The following GALNTL6 variants were observed in gnomAD, a reference collection of about 807,000 sequenced individuals.
GALNTL6 encodes the protein polypeptide N-acetylgalactosaminyltransferase like 6, also known as polypeptide N-acetylgalactosaminyltransferase-like 6.
In GALNTL6, 46 loss-of-function variants were observed where a neutral mutation model predicts 73.7. That is an observed-to-expected ratio of 0.62 (90% CI 0.49 to 0.80). The LOEUF is 0.80. Ranked by LOEUF, GALNTL6 falls within the 30% of genes least tolerant of loss-of-function variation. The pLI is 0.00. For synonymous variants in GALNTL6, 259 were observed against 263.7 expected, an observed-to-expected ratio of 0.98 and a Z score of 0.17; for missense variants, 604 against 755.0, an observed-to-expected ratio of 0.80 and a Z score of 2.34.
chr4:172,727,900 C>A (rs1735913874), intron 5 of GALNTL6, among the ~76,000 whole-genome samples: 1 of 149,218 alleles, frequency 6.7e-6, no homozygotes, highest in African/African-American at 2.5e-5. Flanking sequence ...TAAAAAATAC[C>A]ATCTTTGCTA....
intron 5 of GALNTL6, among the ~76,000 whole-genome samples, chr4:172,636,575 A>G (rs1260546555): frequency 1.3e-5 from 2 of 152,186 alleles, no homozygotes; most frequent in South Asian, 2.1e-4. Context: ...TGGGGCCACA[A>G]GACAAGAAAC....
intron 3 of GALNTL6, among the ~76,000 whole-genome samples, chr4:172,260,344 T>C (rs1738215886): frequency 6.6e-6 from 1 of 151,600 alleles, no homozygotes; most frequent in Non-Finnish European, 1.5e-5. Context: ...AGTATTTTAA[T>C]TATGTATTTA....
At chr4:172,930,274 A>G (rs559884693) in intron 8 of GALNTL6, among the ~76,000 whole-genome samples, 18 of 151,930 alleles carry the variant, frequency 1.2e-4, no homozygotes, top group African/African-American at 4.3e-4. Context: ...GTGAAACTCC[A>G]TCTCAAAAAA....
At chr4:171,976,188 G>A (rs1218494924) in intron 2 of GALNTL6, among the ~76,000 whole-genome samples, 3 of 152,180 alleles carry the variant, frequency 2.0e-5, no homozygotes, top group Admixed American at 6.5e-5. Flanking sequence ...CTCCCAAAGT[G>A]CTGGGAATAC....
intron 2 of GALNTL6, among the ~76,000 whole-genome samples, chr4:172,109,242 G>C (rs4692912): frequency 0.43 from 61,660 of 142,708 alleles, 13,073 homozygotes; most frequent in African/African-American, 0.52. Flanking sequence ...CCAAAAATAC[G>C]AACATGGACC....
intron 2 of GALNTL6, among the ~76,000 whole-genome samples, chr4:172,219,199 GTATATATA>G (rs34783084): frequency 4.3e-5 from 5 of 116,202 alleles, no homozygotes; most frequent in East Asian, 2.2e-4. Flanking sequence ...TTAAGCAAGT[GTATATATA>G]TATATATATA....
chr4:172,885,676 T>C (rs1045870276), intron 8 of GALNTL6, among the ~76,000 whole-genome samples: 1 of 152,230 alleles, frequency 6.6e-6, no homozygotes, highest in Non-Finnish European at 1.5e-5. Context: ...CCTTTCAGTG[T>C]GATCTTACAT....
At position 172,494,823 on chromosome 4, in the gene GALNTL6, G is replaced by A. The variant is rs113355318; in HGVS notation, c.553+146134G>A. Among the ~76,000 whole-genome samples the A allele has an allele frequency of 3.0e-3, 462 of 152,274 alleles. 2 individuals carry two copies. Among genetic ancestry groups the A allele is most frequent in the African/African-American group, 0.01 (427 of 41,558 alleles). ...CTCTTCTGCCTGCTTTATTCTAGCC[G>A]CACTGGCAGCTGATTAGGTGGTGCC... On this transcript the variant is annotated intron_variant, in intron 5 of 12. Coordinates refer to ENST00000506823, the MANE Select transcript of GALNTL6 (RefSeq NM_001034845.3).
At chr4:171,958,121 C>G (rs183754047) in intron 2 of GALNTL6, among the ~76,000 whole-genome samples, 1 of 152,288 alleles carries the variant, frequency 6.6e-6, no homozygotes, top group Admixed American at 6.5e-5. Context: ...AAACCTCTCA[C>G]TGCTTTACCT....
At chr4:172,401,494 AT>A (rs1744035685) in intron 5 of GALNTL6, among the ~76,000 whole-genome samples, 1 of 152,116 alleles carries the variant, frequency 6.6e-6, no homozygotes, top group Admixed American at 6.6e-5. Flanking sequence ...CTTCTAAAGG[AT>A]TTATGTCTCA....
At chr4:172,133,735 C>T (rs149472298) in intron 2 of GALNTL6, among the ~76,000 whole-genome samples, 4 of 152,280 alleles carry the variant, frequency 2.6e-5, no homozygotes, top group South Asian at 4.1e-4. Flanking sequence ...GATTCTAGTA[C>T]ATGCACTTAC....
chr4:172,304,319 C>T (rs1020567322), intron 3 of GALNTL6, among the ~76,000 whole-genome samples: 1 of 151,866 alleles, frequency 6.6e-6, no homozygotes, highest in Non-Finnish European at 1.5e-5. Context: ...GGAGACATTA[C>T]GATGAAGATC....
intron 5 of GALNTL6, among the ~76,000 whole-genome samples, chr4:172,523,150 C>T (rs1228612163): frequency 6.6e-6 from 1 of 152,092 alleles, no homozygotes; most frequent in African/African-American, 2.4e-5. Context: ...TCAGGATGTA[C>T]TTTGTTTCAT....
intron 5 of GALNTL6, among the ~76,000 whole-genome samples, chr4:172,359,319 G>T (rs546381159): frequency 2.6e-5 from 4 of 152,202 alleles, no homozygotes; most frequent in Admixed American, 1.3e-4. Context: ...TTATAAGTGG[G>T]AACTTAATGA....
At chr4:171,905,662 C>T (rs1203489630) in intron 2 of GALNTL6, among the ~76,000 whole-genome samples, 2 of 150,338 alleles carry the variant, frequency 1.3e-5, no homozygotes, top group African/African-American at 5.0e-5. Flanking sequence ...ATCTACAGAA[C>T]TCTCCACCCC....
chr4:172,412,344 A>C (rs1275726499), intron 5 of GALNTL6, among the ~76,000 whole-genome samples: 1 of 151,994 alleles, frequency 6.6e-6, no homozygotes, highest in Admixed American at 6.6e-5. Flanking sequence ...GCTGGATGGA[A>C]ATATTTTAGA....
intron 5 of GALNTL6, among the ~76,000 whole-genome samples, chr4:172,548,684 A>G (rs1019724723): frequency 6.6e-6 from 1 of 152,200 alleles, no homozygotes; most frequent in Non-Finnish European, 1.5e-5. Context: ...CCCAGCTAAG[A>G]CAACACAGTA....
At chr4:172,718,090 T>A (rs1735218994) in intron 5 of GALNTL6, among the ~76,000 whole-genome samples, 1 of 152,234 alleles carries the variant, frequency 6.6e-6, no homozygotes, top group Non-Finnish European at 1.5e-5. Context: ...TAGAATGATT[T>A]GTTTTATATA....
intron 2 of GALNTL6, among the ~76,000 whole-genome samples, chr4:172,050,753 G>C (rs1730834769): frequency 6.6e-6 from 1 of 152,082 alleles, no homozygotes. Context: ...AGGCTAGCTA[G>C]GTCCCTGGAA....
Sources: allele counts gnomAD v4.1 joint callset (sites outside exome capture counted in the v4.1 genomes callset), GRCh38; gene constraint gnomAD v4.1.1; transcripts MANE v1.5; gene names NCBI Gene and HGNC (gene_info 2026-07-23, HGNC 2026-07-21).